The following METTL25 variants were observed in gnomAD, a reference collection of about 807,000 sequenced individuals.
METTL25 encodes probable methyltransferase-like protein 25.
A neutral mutation model predicts 71.6 loss-of-function variants in METTL25; 64 were observed. That is an observed-to-expected ratio of 0.89 (90% confidence interval 0.73 to 1.10). The LOEUF (loss-of-function observed/expected upper bound fraction) is 1.10. Among genes scored for constraint, METTL25 ranks in the 50% least tolerant of loss-of-function variants. The probability of loss-of-function intolerance (pLI) is 0.00; values close to 1 mark genes in which losing one functional copy is unlikely to be tolerated. For synonymous variants in METTL25, 287 were observed against 250.3 expected (o/e 1.15, Z -1.38); for missense variants, 807 against 707.0 (o/e 1.14, Z -1.60).
At chr12:82,472,057 C>T (rs184429140) in intron 9 of METTL25, among the ~76,000 whole-genome samples, 17 of 152,226 alleles carry the variant, frequency 1.1e-4, no homozygotes, top group East Asian at 7.7e-4. Context: ...TTCTTTGAGA[C>T]GCAGTTGAGA....
At chr12:82,387,251 T>C (rs1885127172) in intron 2 of METTL25, among the ~76,000 whole-genome samples, 1 of 152,062 alleles carries the variant, frequency 6.6e-6, no homozygotes, top group African/African-American at 2.4e-5. Context: ...AGTGAGCTAC[T>C]ACAAATTCCA....
intron 9 of METTL25, among the ~76,000 whole-genome samples, chr12:82,467,045 T>C (rs1892280462): frequency 6.6e-6 from 1 of 151,950 alleles, no homozygotes; most frequent in Admixed American, 6.6e-5. Context: ...CCAGAATATC[T>C]TTTTGTAATC....
Position 82,426,969 on chromosome 12 carries a change from T to C in METTL25, c.1280-3924T>C, listed in dbSNP as rs148537797. ...TCATGCCTTTTATCCCTATTCATATTAGCTACCACCAGAGCCTGAGGACTC... is the reference window on the plus strand; with the variant it reads ...TCATGCCTTTTATCCCTATTCATATCAGCTACCACCAGAGCCTGAGGACTC... On this transcript the variant is annotated intron_variant, in intron 5 of 11. Transcript: ENST00000248306. Among the ~76,000 whole-genome samples the C allele has an allele frequency of 2.5e-3, 387 of 152,032 alleles. 2 individuals carry two copies. Among genetic ancestry groups the C allele is most frequent in the African/African-American group, 8.8e-3 (365 of 41,520 alleles).
chr12:82,402,131 A>T (rs1170900090), intron 4 of METTL25, among the ~76,000 whole-genome samples: 1 of 152,074 alleles, frequency 6.6e-6, no homozygotes, highest in East Asian at 1.9e-4. Flanking sequence ...TTGGATAATT[A>T]GAATAAACAT....
intron 5 of METTL25, among the ~76,000 whole-genome samples, chr12:82,423,983 C>A (rs1313112733): frequency 1.3e-5 from 2 of 152,164 alleles, no homozygotes; most frequent in African/African-American, 4.8e-5. Flanking sequence ...TGTGGCAATT[C>A]CTCAGGTATC....
intron 1 of METTL25, among the ~76,000 whole-genome samples, chr12:82,369,957 G>A (rs1334597940): frequency 6.6e-6 from 1 of 152,108 alleles, no homozygotes; most frequent in African/African-American, 2.4e-5. Flanking sequence ...GACACAGAGT[G>A]CTGATTGGTG....
intron 1 of METTL25, among the ~76,000 whole-genome samples, chr12:82,374,565 G>T (rs1883617127): frequency 6.6e-6 from 1 of 152,184 alleles, no homozygotes; most frequent in African/African-American, 2.4e-5. Context: ...GTGCTGATTG[G>T]TGCATTTATA....
intron 5 of METTL25, among the ~76,000 whole-genome samples, chr12:82,415,259 TTTC>T (rs1565844594): frequency 1.3e-5 from 2 of 152,144 alleles, no homozygotes; most frequent in Non-Finnish European, 2.9e-5. Context: ...GGGTGTTTAT[TTTC>T]TTCTTTATAT....
chr12:82,454,059 T>C (rs1891322063), intron 8 of METTL25, among the ~76,000 whole-genome samples: 1 of 152,104 alleles, frequency 6.6e-6, no homozygotes, highest in Admixed American at 6.6e-5. Context: ...TACAGTAAAC[T>C]CAGAAATTGA....
intron 5 of METTL25, among the ~76,000 whole-genome samples, chr12:82,423,816 C>A (rs1794427142): frequency 6.6e-6 from 1 of 152,132 alleles, no homozygotes; most frequent in Non-Finnish European, 1.5e-5. Flanking sequence ...CCGATAAATG[C>A]AAATCAAAAC....
In METTL25 at chr12:82,422,295, A is replaced by C. The variant is rs12308166; in HGVS notation, c.1280-8598A>C. Among the ~76,000 whole-genome samples, 274 of 152,272 alleles carry C rather than the reference A, an allele frequency of 1.8e-3. 1 individual carries two copies. Among genetic ancestry groups the C allele is most frequent in the African/African-American group, 6.0e-3 (249 of 41,568 alleles). ...CATATAAACAGAACCAAAGACAAAAACCACATGATTATCTCAATAGATGCA... is the reference window on the plus strand; with the variant it reads ...CATATAAACAGAACCAAAGACAAAACCCACATGATTATCTCAATAGATGCA... On this transcript the variant is annotated intron_variant, in intron 5 of 11. Transcript: ENST00000248306.
intron 9 of METTL25, among the ~76,000 whole-genome samples, chr12:82,471,149 T>G (rs1304248828): frequency 6.6e-6 from 1 of 152,224 alleles, no homozygotes; most frequent in Non-Finnish European, 1.5e-5. Context: ...TGATCTGGCC[T>G]AAATATTTTT....
intron 9 of METTL25, among the ~76,000 whole-genome samples, chr12:82,475,180 C>T (rs546261398): frequency 2.8e-4 from 42 of 152,304 alleles, no homozygotes; most frequent in African/African-American, 9.9e-4. Context: ...TATCTTACAA[C>T]TGCTGATCTT....
chr12:82,470,080 C>A (rs1163634107), intron 9 of METTL25, among the ~76,000 whole-genome samples: 1 of 152,084 alleles, frequency 6.6e-6, no homozygotes, highest in Non-Finnish European at 1.5e-5. Context: ...TAATCACTGA[C>A]AATGTAGGAA....
At chr12:82,393,999 A>G (rs937611259) in intron 3 of METTL25, among the ~76,000 whole-genome samples, 2 of 151,952 alleles carry the variant, frequency 1.3e-5, no homozygotes, top group African/African-American at 2.4e-5. Flanking sequence ...TCATTGACAC[A>G]TTGGTCATTC....
Position 82,455,601 on chromosome 12 carries a change from G to A in METTL25, c.1479-1126G>A, listed in dbSNP as rs545952022. 1.2e-4 allele frequency among the ~76,000 whole-genome samples: 18 copies of A among 151,992 alleles called. No individual in the cohort carries two copies. In the South Asian group the frequency reaches 3.7e-3, roughly 32 times the overall value. ...TCAACTAAGATGTAGAAGAGAGTGGGGAACTGTGTAATCCATTAAGAGGAA... is the reference window on the plus strand; with the variant it reads ...TCAACTAAGATGTAGAAGAGAGTGGAGAACTGTGTAATCCATTAAGAGGAA... On this transcript the variant is annotated intron_variant, in intron 8 of 11. Transcript: ENST00000248306.
intron 8 of METTL25, among the ~76,000 whole-genome samples, chr12:82,455,162 A>C (rs1008776317): frequency 2.5e-5 from 3 of 121,878 alleles, no homozygotes; most frequent in African/African-American, 1.0e-4. Context: ...CTTTTGGATT[A>C]AAAAAAAAAA....
At chr12:82,370,981 C>T (rs1342589243) in intron 1 of METTL25, among the ~76,000 whole-genome samples, 1 of 152,190 alleles carries the variant, frequency 6.6e-6, no homozygotes, top group Non-Finnish European at 1.5e-5. Context: ...GATGGGGGTT[C>T]CCCCAGAGGT....
At chr12:82,457,869 C>A (rs1047778142) in intron 9 of METTL25, among the ~76,000 whole-genome samples, 37 of 152,012 alleles carry the variant, frequency 2.4e-4, no homozygotes, top group African/African-American at 7.9e-4. Flanking sequence ...TTATTTATTT[C>A]TGGATTATTT....
Sources: gnomAD v4.1 joint callset for allele counts (sites outside exome capture counted in the v4.1 genomes callset) on GRCh38, gnomAD v4.1.1 for gene constraint, MANE v1.5 for transcripts, NCBI Gene and HGNC (gene_info 2026-07-23, HGNC 2026-07-21) for gene names.